The following NRG3 variants were observed in gnomAD, a reference collection of about 807,000 sequenced individuals.
The protein encoded by NRG3 is neuregulin 3.
A neutral mutation model predicts 66.9 loss-of-function variants in NRG3; 31 were observed. The observed-to-expected ratio is 0.46, with a 90% CI of 0.35 to 0.63. The LOEUF (loss-of-function observed/expected upper bound fraction) is 0.63. Among genes scored for constraint, NRG3 ranks in the 20% least tolerant of loss-of-function variants. The pLI, the probability that NRG3 is intolerant of heterozygous loss-of-function variation, is 0.00. For missense variants in NRG3, 910 were observed against 878.9 expected, an observed-to-expected ratio of 1.04 and a Z score of -0.45; for synonymous variants, 393 against 359.4, an observed-to-expected ratio of 1.09 and a Z score of -1.06.
intron 4 of NRG3, among the ~76,000 whole-genome samples, chr10:82,931,882 A>G (rs1183779743): frequency 2.0e-5 from 3 of 152,166 alleles, no homozygotes; most frequent in Non-Finnish European, 4.4e-5. Flanking sequence ...GAGTTACAGC[A>G]TGTGTTTGAG....
At chr10:82,142,674 T>G (rs1435401666) in intron 1 of NRG3, among the ~76,000 whole-genome samples, 1 of 151,872 alleles carries the variant, frequency 6.6e-6, no homozygotes, top group Non-Finnish European at 1.5e-5. Context: ...GACAACGTAA[T>G]GTATCTCTCA....
At chr10:82,486,313 C>T (rs766268188) in intron 2 of NRG3, among the ~76,000 whole-genome samples, 1 of 152,130 alleles carries the variant, frequency 6.6e-6, no homozygotes, top group Non-Finnish European at 1.5e-5. Flanking sequence ...TATTTGTACT[C>T]CCATATTCAA....
At chr10:82,827,308 A>G (rs1046660143) in intron 3 of NRG3, 98 of 306,420 alleles carry the variant, frequency 3.2e-4, no homozygotes, top group African/African-American at 2.1e-3. Flanking sequence ...AACAGCACAC[A>G]GATGACTGTG....
rs370300601 is a variant in NRG3 at position 82,982,415 on chromosome 10, A to G, written c.1584-2683A>G. ...AAGACTGGCCCAAAGTGAAATGATA[A>G]GCTCATGGACCGAACTTGTGGAAGC... On this transcript the variant is annotated intron_variant, in intron 8 of 8. Transcript: ENST00000372141. 1.6e-4 allele frequency among the ~76,000 whole-genome samples: 24 copies of G among 152,314 alleles called. No homozygotes were observed. In the East Asian group the frequency reaches 2.9e-3, roughly 18 times the overall value.
chr10:82,532,015 A>T (rs1318113397), intron 2 of NRG3, among the ~76,000 whole-genome samples: 1 of 151,836 alleles, frequency 6.6e-6, no homozygotes, highest in African/African-American at 2.4e-5. Flanking sequence ...TTTTATGAAT[A>T]TATAACATTT....
chr10:82,671,865 T>C (rs1033311815), intron 2 of NRG3, among the ~76,000 whole-genome samples: 2 of 152,218 alleles, frequency 1.3e-5, no homozygotes, highest in African/African-American at 2.4e-5. Flanking sequence ...TATGCTAACA[T>C]CTATTTATCA....
chr10:82,627,611 A>T (rs1590932151), intron 2 of NRG3, among the ~76,000 whole-genome samples: 1 of 152,320 alleles, frequency 6.6e-6, no homozygotes, highest in Non-Finnish European at 1.5e-5. Flanking sequence ...CCTTTTAATT[A>T]TCTTTACCAG....
intron 1 of NRG3, among the ~76,000 whole-genome samples, chr10:82,164,599 G>C (rs938411313): frequency 6.6e-6 from 1 of 152,150 alleles, no homozygotes; most frequent in Non-Finnish European, 1.5e-5. Flanking sequence ...TCTGGCTGCT[G>C]TATGGAGAAT....
intron 2 of NRG3, among the ~76,000 whole-genome samples, chr10:82,574,944 A>G (rs758319134): frequency 5.3e-5 from 8 of 151,826 alleles, no homozygotes; most frequent in Middle Eastern, 3.4e-3. Flanking sequence ...GATTGTGGAG[A>G]TGTTGGTCAA....
intron 4 of NRG3, among the ~76,000 whole-genome samples, chr10:82,936,340 G>A (rs1192985446): frequency 6.6e-6 from 1 of 152,060 alleles, no homozygotes; most frequent in East Asian, 1.9e-4. Flanking sequence ...ACATTATTAA[G>A]TAAAATAAGC....
At chr10:82,916,149 C>T (rs1164803679) in intron 4 of NRG3, among the ~76,000 whole-genome samples, 2 of 152,142 alleles carry the variant, frequency 1.3e-5, no homozygotes, top group African/African-American at 4.8e-5. Context: ...CATTGTTTTA[C>T]TTCTTTAAGG....
intron 2 of NRG3, among the ~76,000 whole-genome samples, chr10:82,688,254 A>G (rs2054661962): frequency 6.6e-6 from 1 of 152,222 alleles, no homozygotes; most frequent in South Asian, 2.1e-4. Flanking sequence ...ATATTTATGT[A>G]CTTACATGTC....
intron 1 of NRG3, among the ~76,000 whole-genome samples, chr10:81,934,260 T>C (rs983606951): frequency 3.3e-5 from 5 of 152,202 alleles, no homozygotes; most frequent in Non-Finnish European, 7.4e-5. Flanking sequence ...AACATTTCCT[T>C]TTCTGTTGCA....
chr10:82,785,232 A>T (rs997349628), intron 3 of NRG3, among the ~76,000 whole-genome samples: 12 of 152,102 alleles, frequency 7.9e-5, no homozygotes, highest in Admixed American at 1.3e-4. Context: ...GAGGGATAGC[A>T]TTAGGAGATA....
intron 2 of NRG3, among the ~76,000 whole-genome samples, chr10:82,516,411 G>A (rs1274659952): frequency 6.6e-6 from 1 of 152,056 alleles, no homozygotes. Flanking sequence ...GATGGTTGGT[G>A]GAGTAATAAG....
At chr10:82,298,263 G>A (rs2080191025) in intron 1 of NRG3, among the ~76,000 whole-genome samples, 1 of 149,772 alleles carries the variant, frequency 6.7e-6, no homozygotes, top group Admixed American at 6.7e-5. Flanking sequence ...GGGAGGGAGG[G>A]AAGGAAGGGA....
intron 3 of NRG3, among the ~76,000 whole-genome samples, chr10:82,768,701 A>G (rs940666663): frequency 9.9e-5 from 15 of 152,176 alleles, no homozygotes; most frequent in Admixed American, 9.8e-4. Flanking sequence ...TTAATGATAT[A>G]AAATATCTCA....
At chr10:81,909,772 C>T (rs1466145405) in intron 1 of NRG3, among the ~76,000 whole-genome samples, 1 of 152,134 alleles carries the variant, frequency 6.6e-6, no homozygotes, top group Non-Finnish European at 1.5e-5. Context: ...TCAGTTTTTA[C>T]AGAGCAATAA....
chr10:82,049,629 G>A (rs559859606), intron 1 of NRG3, among the ~76,000 whole-genome samples: 3 of 151,952 alleles, frequency 2.0e-5, no homozygotes, highest in African/African-American at 4.8e-5. Context: ...AGATTTTTGT[G>A]TACATTTAGA....
Sources: allele counts gnomAD v4.1 joint callset (sites outside exome capture counted in the v4.1 genomes callset), GRCh38; gene constraint gnomAD v4.1.1; transcripts MANE v1.5; gene names NCBI Gene and HGNC (gene_info 2026-07-23, HGNC 2026-07-21).